The following TENM1 variants were observed in gnomAD, a reference collection of about 807,000 sequenced individuals.
The protein encoded by TENM1 is teneurin-1.
Under a neutral mutation model 174.8 loss-of-function variants are expected in TENM1, and 35 were observed. The ratio of observed to expected loss-of-function variants is 0.20; its 90% CI spans 0.15 to 0.27. The LOEUF (loss-of-function observed/expected upper bound fraction) is 0.27, where lower values mean the gene tolerates loss of function less well. Among genes scored for constraint, TENM1 ranks in the 10% least tolerant of loss-of-function variants. The pLI, the probability that TENM1 is intolerant of heterozygous loss-of-function variation, is 1.00. For missense variants in TENM1, 1,633 were observed against 2,130.1 expected, an observed-to-expected ratio of 0.77 and a Z score of 4.59; for synonymous variants, 781 against 798.7, an observed-to-expected ratio of 0.98 and a Z score of 0.37.
chrX:125,115,080 T>A, the TENM1 span, among the ~76,000 whole-genome samples: 1 of 111,543 alleles, frequency 9.0e-6, no homozygotes, highest in Non-Finnish European at 1.9e-5. Context: ...GCAAGGCTGG[T>A]TCAACATATG....
intron 5 of TENM1, among the ~76,000 whole-genome samples, chrX:124,680,225 C>T (rs1206860326): frequency 9.0e-6 from 1 of 111,015 alleles, no homozygotes; most frequent in East Asian, 2.8e-4. Flanking sequence ...CCCTACTTTT[C>T]CTCTCCTAAA....
intron 13 of TENM1, among the ~76,000 whole-genome samples, chrX:124,562,103 C>A (rs2048830924): frequency 9.0e-6 from 1 of 111,713 alleles, no homozygotes; most frequent in East Asian, 2.8e-4. Flanking sequence ...GGCAAGAATT[C>A]TTTTTTTCTT....
chrX:124,633,714 C>A (rs762013008), intron 11 of TENM1, among the ~76,000 whole-genome samples: 2 of 110,431 alleles, frequency 1.8e-5, no homozygotes, highest in Non-Finnish European at 1.9e-5. Context: ...TTCATTTGGG[C>A]CAAAAAAGGC....
the TENM1 span, among the ~76,000 whole-genome samples, chrX:125,080,407 G>C: frequency 9.0e-6 from 1 of 110,843 alleles, no homozygotes; most frequent in Non-Finnish European, 1.9e-5. Context: ...TACCAGCTCA[G>C]CTGTGGAGAT....
the TENM1 span, among the ~76,000 whole-genome samples, chrX:125,060,625 T>C: frequency 9.0e-6 from 1 of 111,050 alleles, no homozygotes; most frequent in Non-Finnish European, 1.9e-5. Context: ...GGAGGCTAGT[T>C]ATAATTGAAT....
intron 11 of TENM1, among the ~76,000 whole-genome samples, chrX:124,574,681 G>A (rs1352746313): frequency 1.0e-5 from 1 of 96,199 alleles, no homozygotes; most frequent in Non-Finnish European, 2.1e-5. Flanking sequence ...ACTAAACTAT[G>A]AGGATTTTTC....
rs1328483672 is a variant in TENM1, at chrX:124,518,232, AT to A, written c.3301+2284del. Among the ~76,000 whole-genome samples the A allele has an allele frequency of 7.3e-5, 8 of 110,142 alleles. No homozygotes were observed. In the East Asian group the frequency reaches 2.3e-3, roughly 32 times the overall value. ...AGTCTGCAGTAAAGCGGGGAGAGGG[AT>A]AAATACCCTGAGTTTGTTCTCTTTC... On this transcript the variant is annotated intron_variant, in intron 18 of 31. Transcript: ENST00000422452.
chrX:124,466,518 G>C (rs1434166362), intron 22 of TENM1, among the ~76,000 whole-genome samples: 1 of 111,700 alleles, frequency 9.0e-6, no homozygotes, highest in Non-Finnish European at 1.9e-5. Context: ...AAATTGGCTA[G>C]TATTTTTTTT....
intron 4 of TENM1, among the ~76,000 whole-genome samples, chrX:124,711,060 T>C (rs951770161): frequency 8.9e-6 from 1 of 112,149 alleles, no homozygotes; most frequent in Non-Finnish European, 1.9e-5. Flanking sequence ...TTGGGTTTTT[T>C]TCCACAGAGC....
intron 5 of TENM1, among the ~76,000 whole-genome samples, chrX:124,694,199 A>G (rs914932242): frequency 8.9e-6 from 1 of 111,747 alleles, no homozygotes; most frequent in Non-Finnish European, 1.9e-5. Flanking sequence ...TTCCATTTTC[A>G]GTAGCCATTG....
At chrX:125,022,967 A>G in the TENM1 span, among the ~76,000 whole-genome samples, 169 of 111,824 alleles carry the variant, frequency 1.5e-3, no homozygotes, top group African/African-American at 4.6e-3. Context: ...GATTAAAGAA[A>G]CAAGGTGATC....
chrX:124,967,756 C>A (rs372768594), upstream of TENM1, among the ~76,000 whole-genome samples: 1 of 111,730 alleles, frequency 9.0e-6, no homozygotes, highest in East Asian at 2.8e-4. Context: ...TCTTCCTTTC[C>A]ATCCCAGTTG....
exon 32 of TENM1, chrX:124,381,197 C>T: frequency 8.3e-7 from 1 of 1,208,532 alleles, no homozygotes; most frequent in Non-Finnish European, 1.1e-6. Flanking sequence ...TCCTTCAAGG[C>T]ACCGTCCATC....
At chrX:124,881,425 T>C (rs938388338) in intron 3 of TENM1, among the ~76,000 whole-genome samples, 1 of 111,477 alleles carries the variant, frequency 9.0e-6, no homozygotes, top group Non-Finnish European at 1.9e-5. Context: ...ACTCTCTTTT[T>C]TTTTGGTTAA....
the TENM1 span, among the ~76,000 whole-genome samples, chrX:125,107,428 T>C: frequency 4.4e-5 from 5 of 112,492 alleles, no homozygotes; most frequent in Middle Eastern, 4.6e-3. Context: ...ATTTACTTGA[T>C]AAAACACAAC....
At chrX:124,497,350 C>T in intron 19 of TENM1, 85 bp from the exon 23 acceptor site, 1 of 995,894 alleles carries the variant, frequency 1.0e-6, no homozygotes, top group Admixed American at 3.0e-5. Flanking sequence ...TATTCTTCAT[C>T]ATCCCAAGCA....
chrX:124,951,569 A>C (rs1387763359), intron 1 of TENM1, among the ~76,000 whole-genome samples: 2 of 104,065 alleles, frequency 1.9e-5, no homozygotes, highest in Admixed American at 1.1e-4. Flanking sequence ...ATTTTATCTA[A>C]ACTTGATTTT....
intron 11 of TENM1, among the ~76,000 whole-genome samples, chrX:124,627,021 T>C (rs1219248870): frequency 8.9e-6 from 1 of 112,056 alleles, no homozygotes; most frequent in Non-Finnish European, 1.9e-5. Flanking sequence ...AAGGTAGACA[T>C]TAATCATTTC....
At chrX:124,570,623 G>C (rs768315529) in intron 11 of TENM1, among the ~76,000 whole-genome samples, 2 of 111,407 alleles carry the variant, frequency 1.8e-5, no homozygotes, top group East Asian at 5.6e-4. Context: ...CATCTCAATA[G>C]ATACATAATA....
Sources: gnomAD v4.1 joint callset for allele counts (sites outside exome capture counted in the v4.1 genomes callset) on GRCh38, gnomAD v4.1.1 for gene constraint, MANE v1.5 for transcripts, NCBI Gene and HGNC (gene_info 2026-07-23, HGNC 2026-07-21) for gene names.